NHSL1: variants seen among roughly 807,000 people sequenced by gnomAD.
NHSL1 encodes the protein NHS-like protein 1.
In NHSL1, 48 loss-of-function variants were observed where a neutral mutation model predicts 95.0. The observed-to-expected ratio is 0.51, with a 90% CI of 0.40 to 0.64. NHSL1 has a LOEUF of 0.64. Among genes scored for constraint, NHSL1 ranks in the 30% least tolerant of loss-of-function variants. The pLI, the probability that NHSL1 is intolerant of heterozygous loss-of-function variation, is 0.00. For missense variants in NHSL1, 1,971 were observed against 2,077.7 expected, an observed-to-expected ratio of 0.95 and a Z score of 1.00; for synonymous variants, 783 against 833.9, an observed-to-expected ratio of 0.94 and a Z score of 1.05.
At chr6:138,486,729 C>T (rs1239914700) in intron 2 of NHSL1, among the ~76,000 whole-genome samples, 1 of 152,218 alleles carries the variant, frequency 6.6e-6, no homozygotes, top group African/African-American at 2.4e-5. Flanking sequence ...ACAAACACAA[C>T]AGTATTTGCA....
chr6:138,623,475 C>T (rs191324477), intron 1 of NHSL1, among the ~76,000 whole-genome samples: 41 of 152,202 alleles, frequency 2.7e-4, no homozygotes, highest in African/African-American at 7.5e-4. Context: ...TTATAGAATG[C>T]TAAATCAAAC....
At chr6:138,516,666 G>A (rs1781474481) in intron 1 of NHSL1, among the ~76,000 whole-genome samples, 2 of 152,130 alleles carry the variant, frequency 1.3e-5, no homozygotes, top group Admixed American at 6.5e-5. Flanking sequence ...ACAAGGTCTA[G>A]CTCTCTTGAC....
rs180811681 is a variant in NHSL1 at position 138,588,408 on chromosome 6, G to A, written c.97-92037C>T. ...ACCCAGGAGGCAGAGGTTGCAGTGA[G>A]CCGAGATCACGCTATTGCTCTCCAG... On this transcript the variant is annotated intron_variant, in intron 1 of 3. Coordinates refer to the NHSL1 transcript ENST00000491526. 3.5e-3 allele frequency among the ~76,000 whole-genome samples: 534 copies of A among 152,344 alleles called. 5 individuals are homozygous for A. Among genetic ancestry groups the A allele is most frequent in the African/African-American group, 0.012 (502 of 41,580 alleles).
chr6:138,510,773 T>C (rs1781183291), intron 1 of NHSL1, among the ~76,000 whole-genome samples: 1 of 152,236 alleles, frequency 6.6e-6, no homozygotes, highest in Admixed American at 6.5e-5. Flanking sequence ...AAAAGACCAT[T>C]TTTAATAAGT....
In NHSL1 at chr6:138,433,635, G is replaced by T; in HGVS notation, c.710C>A (p.Thr237Asn). 6.5e-7 allele frequency: 1 copy of T among 1,549,268 alleles called. No homozygotes were observed. Among genetic ancestry groups the T allele is most frequent in the Non-Finnish European group, 8.7e-7 (1 of 1,144,772 alleles). Reference sequence around the variant, plus strand: ...TCCTAGTGTAGAGTAGTGATCAGGGGTGTACACTGAGTGGCCATCAGCATC... The same window carrying T: ...TCCTAGTGTAGAGTAGTGATCAGGGTTGTACACTGAGTGGCCATCAGCATC... ...QDDADGHSVYTPDHYSTLGRF... is the reference protein window; with the variant it reads ...QDDADGHSVYNPDHYSTLGRF... Residue 237 changes from threonine to asparagine, a missense_variant, in exon 6 of 8, where the codon ACC (threonine) becomes AAC (asparagine). By Grantham distance (65) the Thr-to-Asn change is moderately conservative. This residue lies in a region of NHSL1 where 1,602 missense variants were observed against 1,654.5 expected (regional missense o/e 0.97). Coordinates refer to ENST00000343505, the MANE Select transcript of NHSL1 (RefSeq NM_001144060.2).
At chr6:138,457,035 C>A (rs2128229886) in intron 3 of NHSL1, among the ~76,000 whole-genome samples, 1 of 152,184 alleles carries the variant, frequency 6.6e-6, no homozygotes, top group South Asian at 2.1e-4. Flanking sequence ...TGCATGCCAC[C>A]ACGCCTGGCT....
At chr6:138,496,825 T>C (rs1780382443) in intron 1 of NHSL1, among the ~76,000 whole-genome samples, 1 of 152,128 alleles carries the variant, frequency 6.6e-6, no homozygotes, top group Non-Finnish European at 1.5e-5. Context: ...TAACAAATAT[T>C]CTCCCTCTAC....
At position 138,455,501 on chromosome 6, in the gene NHSL1, GCCTTCACATGCTCCCTGCAAGGAGCCCC is replaced by G. The variant is rs1562287776; in HGVS notation, c.340-8336_340-8309del. On this transcript the variant is annotated intron_variant, in intron 3 of 7. Transcript: ENST00000343505. ...TCACATGCTCCCTGCAAGGAGCCCC[GCCTTCACATGCTCCCTGCAAGGAGCCCC>G]GCCTTCACATGCTCCCTGCAAGGAG... is the stretch of plus-strand genomic sequence containing the variant. 1.2e-4 allele frequency among the ~76,000 whole-genome samples: 9 copies of G among 73,634 alleles called. No homozygotes were observed. In the East Asian group the frequency reaches 2.4e-3, roughly 20 times the overall value. The allele number at this position is 73,634 out of a possible 152,430, so 48.3% of individuals were successfully genotyped here. A position where few individuals can be genotyped will look rare whatever the true frequency, so the allele number is the denominator to read the frequency against.
chr6:138,594,070 T>C (rs559751981), intron 1 of NHSL1, among the ~76,000 whole-genome samples: 1 of 152,212 alleles, frequency 6.6e-6, no homozygotes, highest in Admixed American at 6.5e-5. Flanking sequence ...GCCTTTGACA[T>C]GCTAATGTTG....
chr6:138,546,427 CAAAAAAAAAAAAAAAAAAAA>C (rs1177720465), upstream of NHSL1, among the ~76,000 whole-genome samples: 1 of 50,918 alleles, frequency 2.0e-5, no homozygotes, highest in Non-Finnish European at 3.7e-5. Context: ...CCCATCTCTA[CAAAAAAAAAAAAAAAAAAAA>C]AAAAAAAAAA....
At chr6:138,688,015 C>T (rs1785609678) in intron 1 of NHSL1, among the ~76,000 whole-genome samples, 1 of 152,102 alleles carries the variant, frequency 6.6e-6, no homozygotes, top group Non-Finnish European at 1.5e-5. Flanking sequence ...GCAGTGGCGC[C>T]ATCTCGGGTC....
Position 138,460,588 on chromosome 6 carries a change from T to C in NHSL1, c.339+12718A>G, listed in dbSNP as rs1462105500. Among the ~76,000 whole-genome samples the C allele has an allele frequency of 7.2e-5, 11 of 151,968 alleles. No homozygotes were observed. The South Asian group carries it at 1.5e-3, about 20-fold the overall frequency. On this transcript the variant is annotated intron_variant, in intron 3 of 7. Transcript: ENST00000343505. ...AGGTGATCTAGTATATGAGAGGATA[T>C]GTGTAGGTTATATGCAAATACTACA...
intron 1 of NHSL1, among the ~76,000 whole-genome samples, chr6:138,507,853 T>C (rs1781036461): frequency 6.6e-6 from 1 of 152,090 alleles, no homozygotes; most frequent in South Asian, 2.1e-4. Flanking sequence ...TCTTCATCAA[T>C]TATGGGGTTG....
rs1775626042 is a variant in NHSL1, at chr6:138,431,159, C to T, written c.3186G>A (p.Arg1062=). 4 of 1,551,262 alleles carry T rather than the reference C, an allele frequency of 2.6e-6. No homozygotes were observed. Among genetic ancestry groups the T allele is most frequent in the Non-Finnish European group, 3.5e-6 (4 of 1,146,690 alleles). The part of the protein sequence containing the change: ...RPPSTKEETS[R]PPMPLITTEA... ...CCGTGGTTATCAGGGGCATGGGGGG[C>T]CTGCTGGTCTCCTCCTTGGTAGAAG... Residue 1062 remains arginine, a synonymous_variant, in exon 6 of 8, where the codon AGG becomes AGA. Transcript: ENST00000343505. This position sits in a 1 kb window ranked among gnomAD's most constrained non-coding sequence, Gnocchi z 4.0.
intron 1 of NHSL1, among the ~76,000 whole-genome samples, chr6:138,592,890 T>C (rs181047278): frequency 1.3e-5 from 2 of 152,314 alleles, no homozygotes; most frequent in Non-Finnish European, 1.5e-5. Context: ...ATATATATCA[T>C]TCTATATACC....
intron 1 of NHSL1, among the ~76,000 whole-genome samples, chr6:138,685,691 T>C (rs1169444001): frequency 6.6e-6 from 1 of 151,758 alleles, no homozygotes; most frequent in Non-Finnish European, 1.5e-5. Flanking sequence ...TTTCTGAAAA[T>C]AAATAAATAA....
intron 3 of NHSL1, among the ~76,000 whole-genome samples, chr6:138,468,116 A>T (rs918597897): frequency 1.3e-5 from 2 of 152,190 alleles, no homozygotes; most frequent in African/African-American, 4.8e-5. Context: ...GCAATAGTGT[A>T]CAATAATGCC....
At chr6:138,536,436 A>G (rs971640416) in intron 1 of NHSL1, among the ~76,000 whole-genome samples, 6 of 152,208 alleles carry the variant, frequency 3.9e-5, no homozygotes, top group African/African-American at 1.2e-4. Context: ...AAAAGCAGCC[A>G]TCTCTATAGG....
chr6:138,426,295 C>T (rs1173348265), intron 7 of NHSL1, among the ~76,000 whole-genome samples: 3 of 152,196 alleles, frequency 2.0e-5, no homozygotes, highest in South Asian at 4.1e-4. Context: ...TCCCACCTCT[C>T]GCTGTGTGAC....
Sources: allele counts gnomAD v4.1 joint callset (sites outside exome capture counted in the v4.1 genomes callset), GRCh38; gene constraint gnomAD v4.1.1; regional missense constraint gnomAD v4.1.1; non-coding constraint Gnocchi (gnomAD v3.1); transcripts MANE v1.5; gene names NCBI Gene and HGNC (gene_info 2026-07-23, HGNC 2026-07-21).